Variants in HSPH1 observed in about 807,000 individuals in gnomAD.
HSPH1 encodes heat shock protein family H (Hsp110) member 1.
HSPH1 carries 40 observed loss-of-function variants against 100.0 expected under a neutral mutation model. That is an observed-to-expected ratio of 0.40 (90% CI 0.31 to 0.52). The LOEUF (loss-of-function observed/expected upper bound fraction) is 0.52, where lower values mean the gene tolerates loss of function less well. HSPH1 is among the 20% of genes least tolerant of loss of function. The pLI is 0.54. For missense variants in HSPH1, 876 were observed against 1,015.1 expected (o/e 0.86, Z 1.86); for synonymous variants, 403 against 344.0 (o/e 1.17, Z -1.90).
rs1956538739 is a variant in HSPH1 at position 31,152,883 on chromosome 13, G to A, written c.498C>T (p.Asn166=). 6.2e-7 allele frequency: 1 copy of A among 1,612,338 alleles called. No individual in the cohort carries two copies. Among genetic ancestry groups the A allele is most frequent in the South Asian group, 1.1e-5 (1 of 91,058 alleles). ...TCATGTCATTCATAAGTCTTAAACA[G>A]TTTAGGCCAACAATCTGTGCAGCAT... The part of the protein sequence containing the change: ...VLDAAQIVGL[N]CLRLMNDMTA... The change falls in exon 5 of 18, where the codon AAC becomes AAT. Residue 166 remains asparagine (N), a synonymous_variant. Coordinates refer to ENST00000320027, the MANE Select transcript of HSPH1 (RefSeq NM_006644.4).
At chr13:31,156,677 T>G (rs1956708803) in intron 2 of HSPH1, among the ~76,000 whole-genome samples, 2 of 152,146 alleles carry the variant, frequency 1.3e-5, no homozygotes, top group Non-Finnish European at 2.9e-5. Context: ...AGCAATAGCA[T>G]GAAATGCTAG....
rs531573920 is a variant in HSPH1 at position 31,147,959 on chromosome 13, C to T, written c.1378G>A (p.Gly460Ser). ...QGVPYPEAKIGRFVVQNVSAQ... is the reference protein window; with the variant it reads ...QGVPYPEAKISRFVVQNVSAQ... ...AAAATATACACAATGAACTCCTTAC[C>T]TATTTTTGCTTCTGGATATGGAACT... Residue 460 changes from glycine (G) to serine (S), a missense_variant and splice_region_variant, in exon 10 of 18, where the codon GGC (glycine) becomes AGC (serine). Physicochemically the swap from Gly to Ser is moderately conservative, Grantham distance 56. Coordinates refer to ENST00000320027, the MANE Select transcript of HSPH1 (RefSeq NM_006644.4). 3.2e-6 allele frequency: 5 copies of T among 1,584,232 alleles called. No individual in the cohort carries two copies. The highest frequency in any genetic ancestry group is 4.3e-6 in the Non-Finnish European group (5 of 1,171,912).
intron 8 of HSPH1, among the ~76,000 whole-genome samples, chr13:31,149,728 T>C (rs1956412440): frequency 6.6e-6 from 1 of 152,180 alleles, no homozygotes; most frequent in Admixed American, 6.5e-5. Context: ...ATCATGCCTG[T>C]TTTTGATTTC....
intron 12 of HSPH1, among the ~76,000 whole-genome samples, chr13:31,141,600 TTA>T (rs1346827356): frequency 6.6e-6 from 1 of 152,030 alleles, no homozygotes; most frequent in East Asian, 1.9e-4. Context: ...TAAATTATCT[TTA>T]TAGACTCTAG....
chr13:31,156,016 C>T (rs1956676054), intron 2 of HSPH1, among the ~76,000 whole-genome samples: 2 of 152,020 alleles, frequency 1.3e-5, no homozygotes, highest in Non-Finnish European at 1.5e-5. Context: ...CCTTTTTTTC[C>T]CTGCTAAACT....
At chr13:31,142,761 CA>C (rs1405032431) in intron 12 of HSPH1, among the ~76,000 whole-genome samples, 2 of 152,070 alleles carry the variant, frequency 1.3e-5, no homozygotes, top group Non-Finnish European at 2.9e-5. Flanking sequence ...AGATCCTACC[CA>C]ATGTCATGTT....
intron 3 of HSPH1, 77 bp from the exon 4 acceptor site, chr13:31,154,832 GCA>G (rs1956622501): frequency 8.2e-7 from 1 of 1,226,840 alleles, no homozygotes; most frequent in Non-Finnish European, 1.2e-6. Context: ...CCAAAAATTA[GCA>G]CACATTCCCT....
chr13:31,156,394 C>CA (rs71099937), intron 2 of HSPH1, among the ~76,000 whole-genome samples: 54,197 of 147,800 alleles, frequency 0.37, 10,710 homozygotes, highest in Non-Finnish European at 0.46. Context: ...CGTCTCAAAA[C>CA]AAAAAAAAAA....
intron 11 of HSPH1, among the ~76,000 whole-genome samples, chr13:31,145,211 A>T (rs758663781): frequency 1.3e-5 from 2 of 152,178 alleles, no homozygotes; most frequent in Non-Finnish European, 2.9e-5. Context: ...TATTTCAAAC[A>T]GTTTTTGTAG....
chr13:31,152,079 C>T (rs931445104), intron 5 of HSPH1: 4 of 175,970 alleles, frequency 2.3e-5, no homozygotes, highest in Non-Finnish European at 4.7e-5. Context: ...GCTAGGACAC[C>T]GCTTATCCAA....
intron 1 of HSPH1, among the ~76,000 whole-genome samples, 176 bp downstream of exon 1, chr13:31,161,300 C>T (rs1956899052): frequency 6.6e-6 from 1 of 152,182 alleles, no homozygotes; most frequent in South Asian, 2.1e-4. Context: ...TTTGTGATGG[C>T]AAGCCCCCCA....
chr13:31,140,479 A>G (rs1956049768), intron 13 of HSPH1, 170 bp from the exon 14 acceptor site: 2 of 431,054 alleles, frequency 4.6e-6, no homozygotes, highest in Non-Finnish European at 8.0e-6. Context: ...AGACATTTCC[A>G]TTTTCTAAAT....
At chr13:31,155,458 C>T (rs1956649893) in intron 3 of HSPH1, 56 bp downstream of exon 3, 14 of 1,382,506 alleles carry the variant, frequency 1.0e-5, no homozygotes, top group South Asian at 6.7e-5. Flanking sequence ...CAAATAAGTT[C>T]GTATTTTTAA....
chr13:31,151,769 C>T, intron 5 of HSPH1, 27 bp from the exon 6 acceptor site: 1 of 1,579,126 alleles, frequency 6.3e-7, no homozygotes, highest in Non-Finnish European at 8.6e-7. Flanking sequence ...TGTTTCAATT[C>T]TTTGGTTCAC....
rs1298744465 is a variant in HSPH1 at position 31,148,066 on chromosome 13, T to C, written c.1271A>G (p.His424Arg). 6.2e-7 allele frequency: 1 copy of C among 1,608,204 alleles called. No individual in the cohort carries two copies. The highest frequency in any genetic ancestry group is 2.2e-5 in the East Asian group (1 of 44,796). ...GAGAACTTTGGAGAAAGGAGCAGCA[T>C]GGTTTCGACTAAAGACTTCATGAAC... ...EGVHEVFSRN[H>R]AAPFSKVLTF... is the part of the protein sequence containing the mutation. The change falls in exon 10 of 18, where the codon CAT (histidine) becomes CGT (arginine). Residue 424 changes from histidine (H) to arginine (R), a missense_variant. By Grantham distance (29) the His-to-Arg change is conservative. Coordinates refer to ENST00000320027, the MANE Select transcript of HSPH1 (RefSeq NM_006644.4).
chr13:31,161,906 A>G (rs1956936551), upstream of HSPH1: 2 of 1,508,244 alleles, frequency 1.3e-6, no homozygotes, highest in African/African-American at 1.4e-5. Flanking sequence ...TACCGACCCA[A>G]AAGGGGAGGT....
intron 12 of HSPH1, among the ~76,000 whole-genome samples, chr13:31,142,094 T>A (rs74969009): frequency 1.4e-3 from 207 of 152,194 alleles, no homozygotes; most frequent in African/African-American, 4.8e-3. Context: ...GACTCAGTTG[T>A]ATGACAGATC....
intron 12 of HSPH1, among the ~76,000 whole-genome samples, chr13:31,141,488 T>C (rs938760808): frequency 1.3e-5 from 2 of 151,988 alleles, no homozygotes; most frequent in African/African-American, 4.8e-5. Flanking sequence ...TTCTCTTCTA[T>C]ATTGAACAAT....
chr13:31,147,779 G>A (rs541668324), intron 10 of HSPH1, among the ~76,000 whole-genome samples, 180 bp downstream of exon 10: 1 of 152,104 alleles, frequency 6.6e-6, no homozygotes, highest in Admixed American at 6.6e-5. Flanking sequence ...TAGACCAGCT[G>A]ACTCCTCAAT....
Sources: allele counts gnomAD v4.1 joint callset (sites outside exome capture counted in the v4.1 genomes callset), GRCh38; gene constraint gnomAD v4.1.1; transcripts MANE v1.5; gene names NCBI Gene and HGNC (gene_info 2026-07-23, HGNC 2026-07-21).